The following CD9 variants were observed in gnomAD, a reference collection of about 807,000 sequenced individuals.
CD9 encodes the protein CD9 molecule, also known as CD9 antigen.
CD9 carries 10 observed loss-of-function variants against 31.4 expected under a neutral mutation model. That is an observed-to-expected ratio of 0.32 (90% confidence interval 0.20 to 0.54). CD9 has a LOEUF of 0.54. Ranked by LOEUF, CD9 falls within the 20% of genes least tolerant of loss-of-function variation. CD9 has a pLI of 0.94. For synonymous variants in CD9, 113 were observed against 114.1 expected (o/e 0.99, Z 0.06); for missense variants, 259 against 300.1 (o/e 0.86, Z 1.01).
Position 6,232,419 on chromosome 12 carries a change from A to G in CD9, c.176-213A>G. 2 of 611,004 alleles carry G rather than the reference A, an allele frequency of 3.3e-6. No homozygotes were observed. Among genetic ancestry groups the G allele is most frequent in the Non-Finnish European group, 5.8e-6 (2 of 342,474 alleles). The allele number at this position is 611,004 out of a possible 1,614,324, so 37.8% of individuals were successfully genotyped here. A position where few individuals can be genotyped will look rare whatever the true frequency, so the allele number is the denominator to read the frequency against. ...GGTAGGAGCGTGAGCTTGATGAAGC[A>G]GAGTCATGCAAGAGAGGCTGGTGGG... is the stretch of plus-strand genomic sequence containing the variant. On this transcript the variant is annotated intron_variant, in intron 2 of 7. Transcript: ENST00000009180. The surrounding 1 kb of genome is among the most constrained non-coding windows in gnomAD (Gnocchi z 4.8).
intron 4 of CD9, chr12:6,234,556 A>G (rs1246960718): frequency 1.3e-5 from 2 of 152,182 alleles, no homozygotes; most frequent in Non-Finnish European, 2.9e-5. Flanking sequence ...TGTCAGACAG[A>G]TGCTGAAGGA....
At chr12:6,236,404 C>T (rs1946524957) in intron 7 of CD9, 129 bp downstream of exon 7, 2 of 759,102 alleles carry the variant, frequency 2.6e-6, no homozygotes, top group East Asian at 2.7e-5. Context: ...CTTAGTATTT[C>T]CATTTTACCA....
rs949289145 is a variant in CD9, at chr12:6,238,108, A to G, written c.*280A>G. ...TGTTATATTAAGCAGAAATCCTGCA[A>G]TGAAAGGTACTATATTTGCTAGACT... is the stretch of plus-strand genomic sequence containing the variant. On this transcript the variant is annotated 3_prime_UTR_variant, in exon 8 of 8. Transcript: ENST00000009180. 4 of 329,164 alleles carry G rather than the reference A, an allele frequency of 1.2e-5. No individual in the cohort carries two copies. The highest frequency in any genetic ancestry group is 2.3e-5 in the Non-Finnish European group (4 of 173,048). 20.4% of individuals were successfully genotyped at this position (329,164 alleles called of 1,614,324 possible). A position where few individuals can be genotyped will look rare whatever the true frequency, so the allele number is the denominator to read the frequency against.
chr12:6,235,681 A>G, intron 6 of CD9, 116 bp downstream of exon 6: 1 of 1,444,856 alleles, frequency 6.9e-7, no homozygotes, highest in Non-Finnish European at 9.1e-7. Context: ...TGCCTGTGAA[A>G]GGGCCCCAGG....
chr12:6,235,262 A>G lies in CD9; in HGVS notation c.382A>G (p.Thr128Ala). ...GGAAGTCCAGGAGTTTTACAAGGAC[A>G]CCTACAACAAGCTGAAAACCAAGGA... ...IKEVQEFYKD[T>A]YNKLKTKDEP... is the part of the protein sequence containing the mutation. The change falls in exon 5 of 8, where the codon ACC becomes GCC. Residue 128 changes from threonine to alanine, a missense_variant. Coordinates refer to ENST00000009180, the MANE Select transcript of CD9 (RefSeq NM_001769.4). 1 of 1,611,688 alleles carries G rather than the reference A, an allele frequency of 6.2e-7. No individual in the cohort carries two copies. The highest frequency in any genetic ancestry group is 1.7e-4 in the Middle Eastern group (1 of 6,058).
intron 1 of CD9, 148 bp from the exon 2 acceptor site, chr12:6,225,278 G>GT (rs1946348868): frequency 6.4e-6 from 4 of 624,490 alleles, no homozygotes; most frequent in African/African-American, 3.6e-5. Flanking sequence ...AACACACCCC[G>GT]TAATGGCATC....
chr12:6,200,915 A>C (rs904565188), intron 1 of CD9: 40 of 221,508 alleles, frequency 1.8e-4, no homozygotes, highest in Non-Finnish European at 1.3e-4. Context: ...CGAGTGCCAG[A>C]GAGGAAGGCA....
Position 6,235,599 on chromosome 12 carries a change from C to G in CD9, c.537+34C>G, listed in dbSNP as rs1946509948. 1.9e-6 allele frequency: 3 copies of G among 1,583,992 alleles called. No individual in the cohort carries two copies. In the Admixed American group the frequency reaches 5.1e-5, roughly 27 times the overall value. On this transcript the variant is annotated intron_variant, in intron 6 of 7. Transcript: ENST00000009180. Reference sequence around the variant, plus strand: ...AGACCAGGATCCTGGTGTCCCTGCCCCCATTGCTCTGGACAAACCCTGCAA... The same window carrying G: ...AGACCAGGATCCTGGTGTCCCTGCCGCCATTGCTCTGGACAAACCCTGCAA...
At chr12:6,203,095 C>G (rs1946094087) in intron 1 of CD9, among the ~76,000 whole-genome samples, 1 of 152,180 alleles carries the variant, frequency 6.6e-6, no homozygotes. Context: ...TAGAGCCTTT[C>G]TTGTTCTAGT....
chr12:6,236,023 G>T, intron 6 of CD9, 169 bp from the exon 7 acceptor site: 2 of 1,436,522 alleles, frequency 1.4e-6, no homozygotes, highest in Non-Finnish European at 1.8e-6. Context: ...CCATCCCTTT[G>T]TTCCCCTTTC....
chr12:6,233,139 CTT>C, intron 3 of CD9: 1 of 687,404 alleles, frequency 1.5e-6, no homozygotes, highest in Non-Finnish European at 2.6e-6. Flanking sequence ...CTCACTGACT[CTT>C]AACTAACGCC....
rs542720697 is a variant in CD9 at position 6,215,171 on chromosome 12, G to T, written c.67-10255G>T. On this transcript the variant is annotated intron_variant, in intron 1 of 7. Transcript: ENST00000009180. ...TAGTAGGTGCCAGTCCTGCTCCCTC[G>T]TGGGGCTGGGCAGTGAGCTCTCCCT... Among the ~76,000 whole-genome samples the T allele has an allele frequency of 9.4e-4, 143 of 152,216 alleles. 4 individuals carry two copies. The South Asian group carries it at 0.029, about 30-fold the overall frequency.
intron 1 of CD9, among the ~76,000 whole-genome samples, chr12:6,214,688 G>A (rs1305404902): frequency 2.6e-5 from 4 of 152,014 alleles, no homozygotes; most frequent in Non-Finnish European, 5.9e-5. Context: ...TCTAGAGTTC[G>A]GGGAGGTTTG....
chr12:6,235,806 G>GAAGCTCTCAAGGGCAGGC, intron 6 of CD9: 1 of 1,385,878 alleles, frequency 7.2e-7, no homozygotes, highest in Non-Finnish European at 9.3e-7. Flanking sequence ...TGCCAGCCCG[G>GAAGCTCTCAAGGGCAGGC]AAGCTCTCAA....
At chr12:6,213,307 T>C (rs1252493600) in intron 1 of CD9, among the ~76,000 whole-genome samples, 2 of 152,218 alleles carry the variant, frequency 1.3e-5, no homozygotes, top group African/African-American at 2.4e-5. Flanking sequence ...ATGCTGAAAT[T>C]TACCTCCAGT....
chr12:6,216,785 C>G (rs984949566), intron 1 of CD9, among the ~76,000 whole-genome samples: 2 of 152,196 alleles, frequency 1.3e-5, no homozygotes, highest in African/African-American at 4.8e-5. Flanking sequence ...CTAAATTCCC[C>G]CGCTGCCACC....
chr12:6,236,521 G>A (rs1946526006), intron 7 of CD9: 1 of 559,276 alleles, frequency 1.8e-6, no homozygotes, highest in South Asian at 2.4e-5. Context: ...GACTCTCTTA[G>A]CCGTTAAGGT....
chr12:6,200,661 GC>G, intron 1 of CD9, 96 bp downstream of exon 1: 2 of 783,848 alleles, frequency 2.6e-6, no homozygotes, highest in South Asian at 3.1e-5. Context: ...AGCTGGCACT[GC>G]CCGCACCGGG....
intron 1 of CD9, among the ~76,000 whole-genome samples, chr12:6,202,637 G>T (rs1946089554): frequency 6.6e-6 from 1 of 152,380 alleles, no homozygotes. Context: ...TCTGTGGCCT[G>T]CTGGCCTGCA....
Sources: allele counts gnomAD v4.1 joint callset (sites outside exome capture counted in the v4.1 genomes callset), GRCh38; gene constraint gnomAD v4.1.1; non-coding constraint Gnocchi (gnomAD v3.1); transcripts MANE v1.5; gene names NCBI Gene and HGNC (gene_info 2026-07-23, HGNC 2026-07-21).